VCL: variants seen among roughly 807,000 people sequenced by gnomAD.
VCL encodes the protein epididymis luminal protein 114.
Under a neutral mutation model 125.7 loss-of-function variants are expected in VCL, and 47 were observed. The ratio of observed to expected loss-of-function variants is 0.37; its 90% CI spans 0.30 to 0.48. VCL has a LOEUF of 0.48. Among genes scored for constraint, VCL ranks in the 20% least tolerant of loss-of-function variants. The probability of loss-of-function intolerance (pLI) is 0.99; values close to 1 mark genes in which losing one functional copy is unlikely to be tolerated. For synonymous variants in VCL, 458 were observed against 514.6 expected, an observed-to-expected ratio of 0.89 and a Z score of 1.49; for missense variants, 1,069 against 1,455.5, an observed-to-expected ratio of 0.73 and a Z score of 4.32.
chr10:74,047,687 T>C (rs553241917), intron 2 of VCL, among the ~76,000 whole-genome samples: 9 of 152,330 alleles, frequency 5.9e-5, no homozygotes, highest in East Asian at 1.9e-4. Context: ...GGCCTGTAGA[T>C]AGATTTATAC....
intron 11 of VCL, among the ~76,000 whole-genome samples, chr10:74,094,725 AG>A (rs992337972): frequency 1.2e-4 from 18 of 152,122 alleles, no homozygotes; most frequent in Non-Finnish European, 1.6e-4. Flanking sequence ...GTTTGAGACC[AG>A]CCAAGCAACA....
At chr10:74,015,291 G>T (rs939154058) in intron 1 of VCL, among the ~76,000 whole-genome samples, 1 of 152,190 alleles carries the variant, frequency 6.6e-6, no homozygotes, top group Non-Finnish European at 1.5e-5. Context: ...TGTGGCTCAC[G>T]CCTGTAATCC....
intron 1 of VCL, among the ~76,000 whole-genome samples, chr10:74,038,551 T>G (rs770346648): frequency 6.6e-6 from 1 of 152,256 alleles, no homozygotes; most frequent in Non-Finnish European, 1.5e-5. Flanking sequence ...TGGATACTAT[T>G]GCTTCAAGTA....
At position 74,101,111 on chromosome 10, in the gene VCL, C is replaced by A; in HGVS notation, c.2022+14C>A. The A allele has an allele frequency of 1.2e-6, 2 of 1,611,662 alleles. No individual in the cohort carries two copies. The highest frequency in any genetic ancestry group is 2.2e-5 in the South Asian group (2 of 90,732). Reference sequence around the variant, plus strand: ...CTCACACCCCAGGTTGGGTTTTGCTCATTCCTCATACAGTGTTCAGTAAAG... The same window carrying A: ...CTCACACCCCAGGTTGGGTTTTGCTAATTCCTCATACAGTGTTCAGTAAAG... On this transcript the variant is annotated intron_variant, in intron 14 of 21. Transcript: ENST00000211998.
chr10:74,059,707 C>A (rs992116401), intron 2 of VCL, among the ~76,000 whole-genome samples: 1 of 152,146 alleles, frequency 6.6e-6, no homozygotes, highest in Non-Finnish European at 1.5e-5. Flanking sequence ...GTCCAGCCTG[C>A]TGGACATACT....
At chr10:74,114,145 C>T (rs766228017) in intron 19 of VCL, 39 bp from the exon 20 acceptor site, 87 of 1,606,714 alleles carry the variant, frequency 5.4e-5, no homozygotes, top group Admixed American at 1.0e-4. Context: ...ATGGCCAGAG[C>T]GTGGGCAGAG....
chr10:74,088,241 G>A (rs560281587), intron 8 of VCL, among the ~76,000 whole-genome samples: 23 of 152,274 alleles, frequency 1.5e-4, no homozygotes, highest in South Asian at 1.2e-3. Context: ...GACTTGGAAA[G>A]TAAATAAGGA....
Position 74,089,322 on chromosome 10 carries a change from C to G in VCL, c.1149C>G (p.Ser383Arg). The change falls in exon 9 of 22, where the codon AGC becomes AGG. Residue 383 changes from serine to arginine, a missense_variant. Physicochemically the swap from Ser to Arg is moderately radical, Grantham distance 110. Coordinates refer to ENST00000211998, the MANE Select transcript of VCL (RefSeq NM_014000.3). ...KLEAMTNSKQ[S>R]IAKKIDAAQN... ...AAGCCATGACCAACTCAAAGCAGAG[C>G]ATTGCAAAGAAGATCGATGCTGCTC... The G allele has an allele frequency of 6.2e-7, 1 of 1,613,840 alleles. No homozygotes were observed. Among genetic ancestry groups the G allele is most frequent in the Non-Finnish European group, 8.5e-7 (1 of 1,179,908 alleles).
At chr10:74,081,952 A>G (rs1839682917) in intron 6 of VCL, among the ~76,000 whole-genome samples, 1 of 152,216 alleles carries the variant, frequency 6.6e-6, no homozygotes, top group Admixed American at 6.5e-5. Context: ...CAGTAATTCC[A>G]AGTTTTTCAG....
chr10:74,066,657 A>T (rs1205021839), intron 2 of VCL, among the ~76,000 whole-genome samples: 1 of 144,340 alleles, frequency 6.9e-6, no homozygotes, highest in Non-Finnish European at 1.5e-5. Context: ...AGTACCTGGT[A>T]CTATTTTATA....
At chr10:74,104,830 A>G in intron 15 of VCL, 1 of 592,532 alleles carries the variant, frequency 1.7e-6, no homozygotes, top group Non-Finnish European at 2.9e-6. Flanking sequence ...CACGGTTGGT[A>G]TAAATGCTGC....
intron 19 of VCL, among the ~76,000 whole-genome samples, chr10:74,112,400 T>C (rs971272024): frequency 6.6e-6 from 1 of 152,216 alleles, no homozygotes; most frequent in Non-Finnish European, 1.5e-5. Flanking sequence ...TGGAAACCCC[T>C]TGGGAAGCCG....
intron 1 of VCL, among the ~76,000 whole-genome samples, chr10:74,003,188 T>TCCCAGGTAG: frequency 6.6e-6 from 1 of 152,030 alleles, no homozygotes; most frequent in Admixed American, 6.6e-5. Context: ...TTCTCCTGCC[T>TCCCAGGTAG]CAGCCTCCCA....
chr10:74,020,674 C>G (rs1840643671), intron 1 of VCL, among the ~76,000 whole-genome samples: 1 of 151,702 alleles, frequency 6.6e-6, no homozygotes, highest in African/African-American at 2.4e-5. Flanking sequence ...AACCCTGTCT[C>G]TACAAAAAAT....
chr10:74,020,236 T>G (rs1470622541), intron 1 of VCL, among the ~76,000 whole-genome samples: 1 of 152,166 alleles, frequency 6.6e-6, no homozygotes, highest in African/African-American at 2.4e-5. Flanking sequence ...ATGAGCTTAC[T>G]TTGAGATGCA....
In VCL at chr10:74,114,408, C is replaced by CGTGTGTGTGT. The variant is rs3037359; in HGVS notation, c.3153+41_3153+50dup. ...TACAGGTACTCGGGGAAAGAGGCTGCGTGTGTGTGTGTGTGTGTGTGTGTG... is the reference window on the plus strand; with the variant it reads ...TACAGGTACTCGGGGAAAGAGGCTGCGTGTGTGTGTGTGTGTGTGTGTGTGTGTGTGTGTG... On this transcript the variant is annotated intron_variant, in intron 20 of 21. Coordinates refer to ENST00000211998, the MANE Select transcript of VCL (RefSeq NM_014000.3). The CGTGTGTGTGT allele has an allele frequency of 5.1e-4, 747 of 1,452,204 alleles. 6 individuals are homozygous for CGTGTGTGTGT. The African/African-American group carries it at 0.01, about 20-fold the overall frequency. The allele number at this position is 1,452,204 out of a possible 1,614,324, so 90.0% of individuals were successfully genotyped here. A position where few individuals can be genotyped will look rare whatever the true frequency, so the allele number is the denominator to read the frequency against.
intron 2 of VCL, among the ~76,000 whole-genome samples, chr10:74,065,123 G>C (rs1345704370): frequency 1.3e-5 from 2 of 148,794 alleles, no homozygotes; most frequent in Non-Finnish European, 3.0e-5. Context: ...TGGCTCAAAT[G>C]TATAATCCCA....
intron 1 of VCL, among the ~76,000 whole-genome samples, chr10:74,003,007 T>C (rs749656815): frequency 6.6e-6 from 1 of 151,500 alleles, no homozygotes; most frequent in Non-Finnish European, 1.5e-5. Flanking sequence ...TAAATATATA[T>C]ATAAAATTTG....
chr10:74,046,330 C>G (rs769932078), intron 2 of VCL, among the ~76,000 whole-genome samples: 4 of 152,186 alleles, frequency 2.6e-5, no homozygotes, highest in Non-Finnish European at 5.9e-5. Flanking sequence ...TCACTGCAGC[C>G]TCAATTGCCC....
Sources: allele counts gnomAD v4.1 joint callset (sites outside exome capture counted in the v4.1 genomes callset), GRCh38; gene constraint gnomAD v4.1.1; transcripts MANE v1.5; gene names NCBI Gene and HGNC (gene_info 2026-07-23, HGNC 2026-07-21).